The following SHANK1 variants were observed in gnomAD, a reference collection of about 807,000 sequenced individuals.
SHANK1 encodes the protein SH3 and multiple ankyrin repeat domains protein 1.
Under a neutral mutation model 165.6 loss-of-function variants are expected in SHANK1, and 35 were observed. That is an observed-to-expected ratio of 0.21 (90% CI 0.16 to 0.28). The LOEUF is 0.28. Ranked by LOEUF, SHANK1 falls within the 10% of genes least tolerant of loss-of-function variation. SHANK1 has a pLI of 1.00. For missense variants in SHANK1, 2,681 were observed against 3,036.4 expected (o/e 0.88, Z 2.75); for synonymous variants, 1,428 against 1,384.8 (o/e 1.03, Z -0.69).
At position 50,677,499 on chromosome 19, in the gene SHANK1, C is replaced by T. The variant is rs541251194; in HGVS notation, c.2578-5385G>A. The stretch of plus-strand genomic sequence containing the variant: ...CAAGCCACCATTATTTGCTTTTTCT[C>T]CCTCAGGTGCAGCAGAACCCAATTC... On this transcript the variant is annotated intron_variant, in intron 21 of 23. Coordinates refer to ENST00000293441, the MANE Select transcript of SHANK1 (RefSeq NM_016148.5). Among the ~76,000 whole-genome samples, 29 of 152,238 alleles carry T rather than the reference C, an allele frequency of 1.9e-4. No individual in the cohort carries two copies. In the South Asian group the frequency reaches 2.3e-3, roughly 12 times the overall value.
intron 15 of SHANK1, among the ~76,000 whole-genome samples, chr19:50,691,651 T>G (rs1314602444): frequency 6.6e-6 from 1 of 152,222 alleles, no homozygotes; most frequent in African/African-American, 2.4e-5. Context: ...GGGGCAGGGA[T>G]AAGTACCAGT....
intron 12 of SHANK1, among the ~76,000 whole-genome samples, chr19:50,700,368 G>T (rs1195761772): frequency 1.3e-5 from 2 of 151,246 alleles, no homozygotes; most frequent in African/African-American, 4.9e-5. Context: ...GGCATAGGAG[G>T]ATTGGAGAGC....
chr19:50,714,123 C>A (rs562431757), intron 5 of SHANK1, 59 bp downstream of exon 5: 40 of 1,559,032 alleles, frequency 2.6e-5, no homozygotes, highest in African/African-American at 5.4e-5. Context: ...GCAGATGGCA[C>A]CCCTGCTCCC....
In SHANK1 at chr19:50,687,926, T is replaced by C; in HGVS notation, c.2305A>G (p.Lys769Glu). ...HPDMDEAVHK[K>E]APQQAKRLPP... ...GCGAGAGTGGCCGCAGGAGCACCTT[T>C]CTTGTGCACTGCCTCATCCATGTCC... The change falls in exon 18 of 24, where the codon AAA (lysine) becomes GAA (glutamate). Residue 769 changes from lysine to glutamate, a missense_variant. By Grantham distance (56) the Lys-to-Glu change is moderately conservative. Transcript: ENST00000293441. 1 of 1,613,950 alleles carries C rather than the reference T, an allele frequency of 6.2e-7. No individual in the cohort carries two copies. The highest frequency in any genetic ancestry group is 8.5e-7 in the Non-Finnish European group (1 of 1,179,908).
rs1227050113 is a variant in SHANK1, at chr19:50,697,991, T to C, written c.1748-35A>G. Reference sequence around the variant, plus strand: ...GAACGGGGACATAGAGACATTTCTGTGTTTCTGTGCTGCCCCTCAACTGCC... The same window carrying C: ...GAACGGGGACATAGAGACATTTCTGCGTTTCTGTGCTGCCCCTCAACTGCC... On this transcript the variant is annotated intron_variant, in intron 12 of 23. Transcript: ENST00000293441. This position sits in a 1 kb window ranked among gnomAD's most constrained non-coding sequence, Gnocchi z 4.7. The C allele has an allele frequency of 4.7e-6, 7 of 1,482,314 alleles. No homozygotes were observed. In the South Asian group the frequency reaches 8.1e-5, roughly 17 times the overall value. The allele number at this position is 1,482,314 out of a possible 1,614,324, so 91.8% of individuals were successfully genotyped here.
chr19:50,697,256 A>G lies in SHANK1; in HGVS notation c.1938-134T>C, dbSNP rs1599861977. On this transcript the variant is annotated intron_variant, in intron 14 of 23. Coordinates refer to ENST00000293441, the MANE Select transcript of SHANK1 (RefSeq NM_016148.5). This position sits in a 1 kb window ranked among gnomAD's most constrained non-coding sequence, Gnocchi z 4.7. The stretch of plus-strand genomic sequence containing the variant: ...TGGGACACACACATTCCCACTGCAC[A>G]TGACTGCACAGAGATGGGGCACATG... 7.6e-7 allele frequency: 1 copy of G among 1,315,804 alleles called. No individual in the cohort carries two copies. The allele number at this position is 1,315,804 out of a possible 1,614,324, so 81.5% of individuals were successfully genotyped here. A position where few individuals can be genotyped will look rare whatever the true frequency, so the allele number is the denominator to read the frequency against.
chr19:50,704,596 A>T, intron 8 of SHANK1, 82 bp from the exon 9 acceptor site: 1 of 1,255,090 alleles, frequency 8.0e-7, no homozygotes, highest in Non-Finnish European at 1.2e-6. Context: ...GTTCTGTGCT[A>T]AGAGCCTCAG....
intron 12 of SHANK1, among the ~76,000 whole-genome samples, chr19:50,700,355 C>CGGGGCATTGGAGGATTGGAGGGCTT (rs1986880210): frequency 7.0e-6 from 1 of 142,620 alleles, no homozygotes. Flanking sequence ...TTGGAGGGCT[C>CGGGGCATTGGAGGATTGGAGGGCTT]GGGGCATAGG....
intron 8 of SHANK1, among the ~76,000 whole-genome samples, chr19:50,706,230 ATC>A (rs1192451156): frequency 6.6e-6 from 1 of 152,064 alleles, no homozygotes; most frequent in East Asian, 1.9e-4. Flanking sequence ...TCGAACCCAG[ATC>A]TCTCTGACTC....
chr19:50,716,744 C>T lies in SHANK1; in HGVS notation c.176G>A (p.Gly59Asp), dbSNP rs763275118. Residue 59 changes from glycine to aspartate, a missense_variant, in exon 2 of 24, where the codon GGC (glycine) becomes GAC (aspartate). By Grantham distance (94) the Gly-to-Asp change is moderately conservative. This residue lies in a region of SHANK1 where 118 missense variants were observed against 106.9 expected (regional missense o/e 1.10). Coordinates refer to ENST00000293441, the MANE Select transcript of SHANK1 (RefSeq NM_016148.5). This position sits in a 1 kb window ranked among gnomAD's most constrained non-coding sequence, Gnocchi z 8.4. ...GTCGTCTGGGACGGACATTGAGCGG[C>T]CCTGGAGGCCTCTAACAGAGGCCAG... ...GSLASVRGLQ[G>D]RSMSVPDDAH... The T allele has an allele frequency of 1.2e-6, 2 of 1,609,286 alleles. No homozygotes were observed. Among genetic ancestry groups the T allele is most frequent in the Admixed American group, 1.7e-5 (1 of 58,756 alleles).
intron 8 of SHANK1, among the ~76,000 whole-genome samples, chr19:50,707,652 T>C (rs1476567622): frequency 6.6e-6 from 1 of 150,842 alleles, no homozygotes; most frequent in Non-Finnish European, 1.5e-5. Context: ...CCTCCACCTT[T>C]TGGGCTCAAG....
intron 8 of SHANK1, among the ~76,000 whole-genome samples, chr19:50,705,701 G>A (rs1207622758): frequency 6.6e-6 from 1 of 152,186 alleles, no homozygotes; most frequent in Admixed American, 6.5e-5. Flanking sequence ...GGAGACAGAA[G>A]CTCCCAGGTT....
intron 15 of SHANK1, among the ~76,000 whole-genome samples, chr19:50,692,289 A>C (rs958831655): frequency 2.6e-5 from 4 of 151,820 alleles, no homozygotes; most frequent in African/African-American, 9.7e-5. Context: ...AGCACTTTGC[A>C]TTTATATATT....
Position 50,686,807 on chromosome 19 carries a change from C to G in SHANK1, c.2395G>C (p.Glu799Gln), listed in dbSNP as rs766450331. 3.1e-6 allele frequency: 5 copies of G among 1,613,758 alleles called. No homozygotes were observed. The South Asian group carries it at 4.4e-5, about 14-fold the overall frequency. ...MTSELEEMEYEQQPAPVPSME... is the reference protein window; with the variant it reads ...MTSELEEMEYQQQPAPVPSME... ...CTGGGCACCGGCGCCGGCTGCTGCT[C>G]GTACTCTGTGGGCAAAGAACACGGA... The change falls in exon 20 of 24, where the codon GAG becomes CAG. Residue 799 changes from glutamate (E) to glutamine (Q), a missense_variant. Coordinates refer to ENST00000293441, the MANE Select transcript of SHANK1 (RefSeq NM_016148.5). This position sits in a 1 kb window ranked among gnomAD's most constrained non-coding sequence, Gnocchi z 5.7.
chr19:50,679,436 CG>C (rs1313734076), intron 21 of SHANK1, among the ~76,000 whole-genome samples: 3 of 152,210 alleles, frequency 2.0e-5, no homozygotes, highest in East Asian at 3.9e-4. Context: ...GTCAGACTGA[CG>C]GAGGAACCAT....
In SHANK1 at chr19:50,670,045, C is replaced by A. The variant is rs1985736908; in HGVS notation, c.2675-760G>T. On this transcript the variant is annotated intron_variant, in intron 22 of 23. Coordinates refer to ENST00000293441, the MANE Select transcript of SHANK1 (RefSeq NM_016148.5). The surrounding 1 kb of genome is among the most constrained non-coding windows in gnomAD (Gnocchi z 4.1). ...TCTGCTGTCGACGCCCACGTTTATG[C>A]CTGGGGCCCCATCCTCCGCCCTGAG... 6.6e-6 allele frequency among the ~76,000 whole-genome samples: 1 copy of A among 152,128 alleles called. No individual in the cohort carries two copies.
intron 15 of SHANK1, among the ~76,000 whole-genome samples, chr19:50,696,818 A>G (rs1178851718): frequency 6.6e-6 from 1 of 152,124 alleles, no homozygotes; most frequent in African/African-American, 2.4e-5. Context: ...TTGCCCACGG[A>G]TTCAGAGAAG....
In SHANK1 at chr19:50,660,712, C is replaced by G. The variant is rs1985169838; in HGVS notation, c.*1253G>C. Among the ~76,000 whole-genome samples, 1 of 96,054 alleles carries G rather than the reference C, an allele frequency of 1.0e-5. No homozygotes were observed. The highest frequency in any genetic ancestry group is 6.6e-5 in the African/African-American group (1 of 15,234). 63.0% of individuals were successfully genotyped at this position (96,054 alleles called of 152,430 possible). A position where few individuals can be genotyped will look rare whatever the true frequency, so the allele number is the denominator to read the frequency against. ...GGAGAAACAAGGCTTCCGGAGAGCA[C>G]TGAAAATGCTGGGGGGGGGGGCGCG... On this transcript the variant is annotated 3_prime_UTR_variant, in exon 24 of 24. Coordinates refer to ENST00000293441, the MANE Select transcript of SHANK1 (RefSeq NM_016148.5).
In SHANK1 at chr19:50,717,056, A is replaced by G; in HGVS notation, c.-43-94T>C. On this transcript the variant is annotated intron_variant, in intron 1 of 23. Coordinates refer to ENST00000293441, the MANE Select transcript of SHANK1 (RefSeq NM_016148.5). This position sits in a 1 kb window ranked among gnomAD's most constrained non-coding sequence, Gnocchi z 5.5. ...GTGGTCAAGCGGTCAAGGGCAGCCTACCCCCACTGCCCAAGATAGGCAGGA... is the reference window on the plus strand; with the variant it reads ...GTGGTCAAGCGGTCAAGGGCAGCCTGCCCCCACTGCCCAAGATAGGCAGGA... 2.9e-6 allele frequency: 3 copies of G among 1,047,088 alleles called. No individual in the cohort carries two copies. The highest frequency in any genetic ancestry group is 3.8e-6 in the Non-Finnish European group (3 of 789,320). 64.9% of individuals were successfully genotyped at this position (1,047,088 alleles called of 1,614,324 possible). A position where few individuals can be genotyped will look rare whatever the true frequency, so the allele number is the denominator to read the frequency against.
Sources: gnomAD v4.1 joint callset for allele counts (sites outside exome capture counted in the v4.1 genomes callset) on GRCh38, gnomAD v4.1.1 for gene constraint, gnomAD v4.1.1 regional missense constraint, Gnocchi (gnomAD v3.1) non-coding constraint, MANE v1.5 for transcripts, NCBI Gene and HGNC (gene_info 2026-07-23, HGNC 2026-07-21) for gene names.